The following MRRF variants were observed in gnomAD, a reference collection of about 807,000 sequenced individuals.
MRRF encodes ribosome-recycling factor, mitochondrial.
MRRF carries 18 observed loss-of-function variants against 25.1 expected under a neutral mutation model. That is an observed-to-expected ratio of 0.72 (90% CI 0.50 to 1.06). The LOEUF is 1.06. Ranked by LOEUF, MRRF falls within the 50% of genes least tolerant of loss-of-function variation. The pLI, the probability that MRRF is intolerant of heterozygous loss-of-function variation, is 0.00. For synonymous variants in MRRF, 113 were observed against 112.1 expected (o/e 1.01, Z -0.05); for missense variants, 323 against 319.3 (o/e 1.01, Z -0.09).
intron 5 of MRRF, among the ~76,000 whole-genome samples, chr9:122,307,709 T>A (rs1834942328): frequency 6.6e-6 from 1 of 152,222 alleles, no homozygotes; most frequent in Non-Finnish European, 1.5e-5. Flanking sequence ...TTGGAGAGGC[T>A]GAATAGCATA....
chr9:122,269,440 A>G, intron 1 of MRRF, among the ~76,000 whole-genome samples: 1 of 151,804 alleles, frequency 6.6e-6, no homozygotes, highest in Non-Finnish European at 1.5e-5. Flanking sequence ...TAAAAGTTTT[A>G]GAGGCCGGGC....
chr9:122,267,418 A>G (rs1430943721), intron 1 of MRRF, among the ~76,000 whole-genome samples: 1 of 151,896 alleles, frequency 6.6e-6, no homozygotes, highest in Non-Finnish European at 1.5e-5. Flanking sequence ...TTGGGATGCT[A>G]TTATAATAGC....
intron 5 of MRRF, among the ~76,000 whole-genome samples, chr9:122,304,376 G>A (rs1395772481): frequency 6.6e-6 from 1 of 152,168 alleles, no homozygotes; most frequent in Non-Finnish European, 1.5e-5. Context: ...CCTGGCCTGT[G>A]GCTTTTTAGG....
rs975991164 is a variant in MRRF at position 122,319,874 on chromosome 9, AT to A, written c.712-2644del. ...AAAATGTTAGTAAATATTTTCATTAATTTTTTTTTTTTTTTTTTTTTTGAGA... is the reference window on the plus strand; with the variant it reads ...AAAATGTTAGTAAATATTTTCATTAATTTTTTTTTTTTTTTTTTTTTGAGA... On this transcript the variant is annotated intron_variant, in intron 6 of 6. Transcript: ENST00000344641. Among the ~76,000 whole-genome samples the A allele has an allele frequency of 9.4e-3, 1,225 of 129,974 alleles. 10 individuals carry two copies. The highest frequency in any genetic ancestry group is 0.026 in the African/African-American group (881 of 33,440). The allele number at this position is 129,974 out of a possible 152,430, so 85.3% of individuals were successfully genotyped here. A position where few individuals can be genotyped will look rare whatever the true frequency, so the allele number is the denominator to read the frequency against.
intron 5 of MRRF, among the ~76,000 whole-genome samples, chr9:122,307,978 A>G (rs1263120269): frequency 6.6e-6 from 1 of 152,184 alleles, no homozygotes; most frequent in Non-Finnish European, 1.5e-5. Flanking sequence ...CATTTCAGTC[A>G]GTGGGATTCT....
At position 122,280,572 on chromosome 9, in the gene MRRF, A is replaced by G. The variant is rs929547540; in HGVS notation, c.314A>G (p.Lys105Arg). 6.8e-6 allele frequency: 11 copies of G among 1,613,950 alleles called. No individual in the cohort carries two copies. The highest frequency in any genetic ancestry group is 9.3e-6 in the Non-Finnish European group (11 of 1,179,924). ...GAAGCTCTCAAGGATAATTTCAATA[A>G]GACTCTCAATATAAGGACCTCACCA... is the stretch of plus-strand genomic sequence containing the variant. ...VIEALKDNFN[K>R]TLNIRTSPGS... The change falls in exon 3 of 7, where the codon AAG (lysine) becomes AGG (arginine). Residue 105 changes from lysine (K) to arginine (R), a missense_variant. By Grantham distance (26) the Lys-to-Arg change is conservative (BLOSUM62 2). Transcript: ENST00000344641.
intron 5 of MRRF, among the ~76,000 whole-genome samples, chr9:122,303,107 C>T (rs1399237443): frequency 2.6e-5 from 4 of 152,092 alleles, no homozygotes; most frequent in African/African-American, 9.7e-5. Context: ...TTATCAGATA[C>T]ATGGCTTTCA....
intron 5 of MRRF, among the ~76,000 whole-genome samples, chr9:122,306,244 GT>G (rs1022439741): frequency 6.6e-6 from 1 of 152,160 alleles, no homozygotes; most frequent in African/African-American, 2.4e-5. Context: ...TCATAACACT[GT>G]GGAAAAATCC....
At chr9:122,271,269 C>T (rs1246000212) in intron 2 of MRRF, among the ~76,000 whole-genome samples, 194 bp downstream of exon 2, 3 of 152,218 alleles carry the variant, frequency 2.0e-5, no homozygotes, top group Non-Finnish European at 4.4e-5. Context: ...TGCCTGTTTT[C>T]TCATTACCAT....
At chr9:122,285,864 A>G in intron 4 of MRRF, 2 of 1,285,482 alleles carry the variant, frequency 1.6e-6, no homozygotes, top group Non-Finnish European at 2.0e-6. Context: ...TAGTATTTGG[A>G]GCAGACCCTC....
chr9:122,295,006 A>G (rs1003967940), intron 5 of MRRF, among the ~76,000 whole-genome samples: 1 of 152,218 alleles, frequency 6.6e-6, no homozygotes, highest in Non-Finnish European at 1.5e-5. Context: ...GCAGAAAAGT[A>G]TAATGGTTAA....
chr9:122,320,541 G>C (rs1035415975), intron 6 of MRRF, among the ~76,000 whole-genome samples: 18 of 152,162 alleles, frequency 1.2e-4, no homozygotes, highest in Non-Finnish European at 5.9e-5. Flanking sequence ...CCCCATGCAA[G>C]GCAGCCACAG....
intron 4 of MRRF, chr9:122,286,197 T>C (rs1833396329): frequency 7.8e-7 from 1 of 1,288,298 alleles, no homozygotes; most frequent in Non-Finnish European, 1.0e-6. Flanking sequence ...TTATTGTCTA[T>C]TTCAGTAGTT....
chr9:122,323,594 A>G lies in MRRF; in HGVS notation c.*977A>G, dbSNP rs573611272. 6.6e-6 allele frequency: 1 copy of G among 152,318 alleles called. No individual in the cohort carries two copies. The highest frequency in any genetic ancestry group is 2.4e-5 in the African/African-American group (1 of 41,578). 9.4% of individuals were successfully genotyped at this position (152,318 alleles called of 1,614,324 possible). A position where few individuals can be genotyped will look rare whatever the true frequency, so the allele number is the denominator to read the frequency against. On this transcript the variant is annotated 3_prime_UTR_variant, in exon 7 of 7. Coordinates refer to ENST00000344641, the MANE Select transcript of MRRF (RefSeq NM_138777.5). The stretch of plus-strand genomic sequence containing the variant: ...GCCTGCCCATTGTTGACAGACAAGT[A>G]GTTTATTGTGGCTTATCTTCGGATA...
intron 6 of MRRF, among the ~76,000 whole-genome samples, chr9:122,315,550 C>T (rs568889826): frequency 1.3e-5 from 2 of 152,328 alleles, no homozygotes; most frequent in Admixed American, 6.5e-5. Context: ...AACACCCAAA[C>T]CCTCAAAACT....
chr9:122,308,295 G>T (rs987644829), intron 5 of MRRF, among the ~76,000 whole-genome samples: 1 of 151,230 alleles, frequency 6.6e-6, no homozygotes, highest in Non-Finnish European at 1.5e-5. Context: ...GATCTGGTTT[G>T]TATATTGCTG....
At chr9:122,319,372 G>C (rs1330901413) in intron 6 of MRRF, among the ~76,000 whole-genome samples, 1 of 151,942 alleles carries the variant, frequency 6.6e-6, no homozygotes. Flanking sequence ...GGATGGTCTC[G>C]ATCTCCTGAC....
intron 2 of MRRF, among the ~76,000 whole-genome samples, chr9:122,272,284 T>C (rs545635871): frequency 4.6e-4 from 70 of 152,336 alleles, no homozygotes; most frequent in African/African-American, 1.5e-3. Context: ...ACTGCAGTCT[T>C]CTAGTGTAAT....
intron 6 of MRRF, among the ~76,000 whole-genome samples, chr9:122,316,473 T>C (rs1246251080): frequency 6.6e-6 from 1 of 152,102 alleles, no homozygotes; most frequent in Non-Finnish European, 1.5e-5. Flanking sequence ...CCCAGCTAAA[T>C]GTTTATTCTT....
Sources: allele counts gnomAD v4.1 joint callset (sites outside exome capture counted in the v4.1 genomes callset), GRCh38; gene constraint gnomAD v4.1.1; transcripts MANE v1.5; gene names NCBI Gene and HGNC (gene_info 2026-07-23, HGNC 2026-07-21).